Variants in MMP16 observed in about 807,000 individuals in gnomAD.
MMP16 encodes matrix metalloproteinase-16.
A neutral mutation model predicts 67.8 loss-of-function variants in MMP16; 12 were observed. The observed-to-expected ratio is 0.18, with a 90% CI of 0.11 to 0.29. The LOEUF (loss-of-function observed/expected upper bound fraction) is 0.29. Among genes scored for constraint, MMP16 ranks in the 10% least tolerant of loss-of-function variants. MMP16 has a pLI of 1.00. For missense variants in MMP16, 475 were observed against 765.7 expected (o/e 0.62, Z 4.48); for synonymous variants, 249 against 255.9 (o/e 0.97, Z 0.26).
chr8:88,282,873 C>A (rs1810763554), intron 1 of MMP16, among the ~76,000 whole-genome samples: 1 of 152,082 alleles, frequency 6.6e-6, no homozygotes, highest in Non-Finnish European at 1.5e-5. Context: ...ATGTGTTTCA[C>A]TTGGTTCCAC....
At chr8:88,215,168 A>G (rs1056462215) in intron 1 of MMP16, among the ~76,000 whole-genome samples, 1 of 152,072 alleles carries the variant, frequency 6.6e-6, no homozygotes, top group Admixed American at 6.6e-5. Flanking sequence ...TACTAAAAAC[A>G]CACACAAAAA....
At chr8:88,087,493 G>A (rs1343739953) in intron 6 of MMP16, among the ~76,000 whole-genome samples, 3 of 151,894 alleles carry the variant, frequency 2.0e-5, no homozygotes, top group African/African-American at 7.3e-5. Flanking sequence ...ATATGACATA[G>A]GAAGAGGGAA....
In MMP16 at chr8:88,033,233, T is replaced by G. The variant is rs928220651; in HGVS notation, c.*8228A>C. On this transcript the variant is annotated 3_prime_UTR_variant, in exon 10 of 10. Transcript: ENST00000286614. The stretch of plus-strand genomic sequence containing the variant: ...TAAATGTCTGTGCATTTTTTAAATA[T>G]ATGGTATTTATTTGACAAACTAAGT... 1.3e-5 allele frequency: 2 copies of G among 151,400 alleles called. No homozygotes were observed. Among genetic ancestry groups the G allele is most frequent in the Non-Finnish European group, 2.9e-5 (2 of 67,822 alleles). 9.4% of individuals were successfully genotyped at this position (151,400 alleles called of 1,614,324 possible).
At chr8:88,148,406 T>A (rs576191387) in intron 4 of MMP16, among the ~76,000 whole-genome samples, 9 of 152,236 alleles carry the variant, frequency 5.9e-5, no homozygotes, top group Non-Finnish European at 1.3e-4. Flanking sequence ...AACTTCTATT[T>A]GCATGATAGC....
intron 4 of MMP16, among the ~76,000 whole-genome samples, chr8:88,146,219 A>G: frequency 6.6e-6 from 1 of 152,034 alleles, no homozygotes; most frequent in East Asian, 1.9e-4. Flanking sequence ...ATGCTCAGCA[A>G]GACTCTATGA....
chr8:88,281,586 A>T (rs1563582822), intron 1 of MMP16, among the ~76,000 whole-genome samples: 3 of 152,200 alleles, frequency 2.0e-5, no homozygotes. Flanking sequence ...TCCAGTCAGC[A>T]AGCTCTTAAG....
chr8:88,327,270 C>T lies in MMP16; in HGVS notation c.-64G>A. The T allele has an allele frequency of 6.2e-7, 1 of 1,605,296 alleles. No individual in the cohort carries two copies. The highest frequency in any genetic ancestry group is 8.5e-7 in the Non-Finnish European group (1 of 1,174,192). The stretch of plus-strand genomic sequence containing the variant: ...GTTTTCTCCCTCTCTCCCTCTCCCT[C>T]CCTCCCTCGTTTCCTTTCAAAAAAA... On this transcript the variant is annotated 5_prime_UTR_variant, in exon 1 of 10. Coordinates refer to ENST00000286614, the MANE Select transcript of MMP16 (RefSeq NM_005941.5).
chr8:88,200,061 G>C (rs1468702939), intron 1 of MMP16, among the ~76,000 whole-genome samples: 1 of 151,930 alleles, frequency 6.6e-6, no homozygotes, highest in Non-Finnish European at 1.5e-5. Context: ...ATTATTTTAT[G>C]CTTACCAACT....
chr8:88,086,696 A>G (rs1253707003), intron 6 of MMP16, among the ~76,000 whole-genome samples: 2 of 151,932 alleles, frequency 1.3e-5, no homozygotes, highest in Non-Finnish European at 2.9e-5. Context: ...TGTTGAGTAT[A>G]GGGCCATTTC....
rs573237388 is a variant in MMP16, at chr8:88,109,526, T to C, written c.1083+6981A>G. Reference sequence around the variant, plus strand: ...GTTAACTAAAAGTTTAAAAAGGGAATAATACCAAGAATAAAGTCTAATTTT... The same window carrying C: ...GTTAACTAAAAGTTTAAAAAGGGAACAATACCAAGAATAAAGTCTAATTTT... On this transcript the variant is annotated intron_variant, in intron 6 of 9. Coordinates refer to ENST00000286614, the MANE Select transcript of MMP16 (RefSeq NM_005941.5). Among the ~76,000 whole-genome samples the C allele has an allele frequency of 7.3e-5, 11 of 150,644 alleles. No individual in the cohort carries two copies. In the South Asian group the frequency reaches 2.3e-3, roughly 31 times the overall value.
intron 4 of MMP16, among the ~76,000 whole-genome samples, chr8:88,126,133 A>G (rs1306196917): frequency 6.6e-6 from 1 of 151,936 alleles, no homozygotes; most frequent in Non-Finnish European, 1.5e-5. Context: ...ATTATCTACT[A>G]TGTGCAAGGA....
At chr8:88,103,718 T>C (rs998216277) in intron 6 of MMP16, among the ~76,000 whole-genome samples, 3 of 151,830 alleles carry the variant, frequency 2.0e-5, no homozygotes, top group African/African-American at 7.2e-5. Context: ...TCACATGATA[T>C]AATTTAACAA....
At chr8:88,184,592 C>CAAAAAAAAAAAAA (rs1301244259) in intron 3 of MMP16, among the ~76,000 whole-genome samples, 51 of 38,856 alleles carry the variant, frequency 1.3e-3, no homozygotes, top group African/African-American at 4.7e-3. Context: ...AAAAAAAAAG[C>CAAAAAAAAAAAAA]AAAAATTAGC....
At chr8:88,238,531 G>A (rs781651904) in intron 1 of MMP16, among the ~76,000 whole-genome samples, 4 of 151,650 alleles carry the variant, frequency 2.6e-5, no homozygotes, top group East Asian at 2.0e-4. Flanking sequence ...AGCTGGGCCC[G>A]GTGGCTTGTC....
intron 4 of MMP16, among the ~76,000 whole-genome samples, chr8:88,166,448 T>G (rs1382019118): frequency 1.3e-5 from 2 of 151,766 alleles, no homozygotes; most frequent in Non-Finnish European, 2.9e-5. Flanking sequence ...CCTCTTATAT[T>G]AAGTAACCAC....
At chr8:88,146,528 T>A (rs1281377024) in intron 4 of MMP16, among the ~76,000 whole-genome samples, 1 of 152,022 alleles carries the variant, frequency 6.6e-6, no homozygotes, top group Non-Finnish European at 1.5e-5. Context: ...CATCATATTG[T>A]ATCTAGTCTT....
intron 6 of MMP16, among the ~76,000 whole-genome samples, chr8:88,079,203 T>G (rs1038811102): frequency 2.0e-5 from 3 of 152,110 alleles, no homozygotes; most frequent in Non-Finnish European, 2.9e-5. Flanking sequence ...TGCCCTACAG[T>G]AGGCCCTCTG....
At chr8:88,253,909 A>C (rs1367890016) in intron 1 of MMP16, among the ~76,000 whole-genome samples, 1 of 151,936 alleles carries the variant, frequency 6.6e-6, no homozygotes, top group African/African-American at 2.4e-5. Flanking sequence ...CCTGGCTTCA[A>C]GCAAGCCTCC....
intron 1 of MMP16, among the ~76,000 whole-genome samples, chr8:88,274,479 C>T (rs1810614204): frequency 6.6e-6 from 1 of 152,016 alleles, no homozygotes; most frequent in African/African-American, 2.4e-5. Context: ...TTCCTAAATA[C>T]ATCAGAGGTT....
Sources: gnomAD v4.1 joint callset for allele counts (sites outside exome capture counted in the v4.1 genomes callset) on GRCh38, gnomAD v4.1.1 for gene constraint, MANE v1.5 for transcripts, NCBI Gene and HGNC (gene_info 2026-07-23, HGNC 2026-07-21) for gene names.